TTLL9: variants seen among roughly 807,000 people sequenced by gnomAD.
The protein encoded by TTLL9 is tubulin tyrosine ligase like 9, also known as probable tubulin polyglutamylase TTLL9.
Under a neutral mutation model 65.6 loss-of-function variants are expected in TTLL9, and 47 were observed. That is an observed-to-expected ratio of 0.72 (90% CI 0.57 to 0.91). The LOEUF is 0.91. Ranked by LOEUF, TTLL9 falls within the 40% of genes least tolerant of loss-of-function variation. The probability of loss-of-function intolerance (pLI) is 0.00; values close to 1 mark genes in which losing one functional copy is unlikely to be tolerated. For missense variants in TTLL9, 537 were observed against 568.8 expected, an observed-to-expected ratio of 0.94 and a Z score of 0.57; for synonymous variants, 179 against 204.8, an observed-to-expected ratio of 0.87 and a Z score of 1.07.
At chr20:31,892,031 G>C (rs1162344206) in intron 3 of TTLL9, among the ~76,000 whole-genome samples, 1 of 152,010 alleles carries the variant, frequency 6.6e-6, no homozygotes, top group Non-Finnish European at 1.5e-5. Context: ...TTGAACTCCT[G>C]ACCTCAGGTG....
chr20:31,919,387 G>T (rs2063781402), intron 6 of TTLL9, among the ~76,000 whole-genome samples: 1 of 152,088 alleles, frequency 6.6e-6, no homozygotes, highest in South Asian at 2.1e-4. Context: ...ATGGTAGAAG[G>T]GGAGTAATGC....
At chr20:31,884,729 C>G (rs1037606923) in intron 2 of TTLL9, among the ~76,000 whole-genome samples, 1 of 152,246 alleles carries the variant, frequency 6.6e-6, no homozygotes, top group Non-Finnish European at 1.5e-5. Context: ...GACATTGACT[C>G]TGCCTTCTTC....
chr20:31,938,373 G>T, intron 13 of TTLL9: 1 of 362,574 alleles, frequency 2.8e-6, no homozygotes, highest in South Asian at 2.0e-5. Context: ...GGTACTCTTG[G>T]ACTGAAAGAA....
intron 3 of TTLL9, among the ~76,000 whole-genome samples, chr20:31,897,385 C>T (rs2063403295): frequency 6.6e-6 from 1 of 152,156 alleles, no homozygotes; most frequent in South Asian, 2.1e-4. Context: ...CTGTTTCAGT[C>T]CTCATATTGG....
In TTLL9 at chr20:31,933,741, C is replaced by A. The variant is rs377553798; in HGVS notation, c.749-59C>A. ...ATTCTCAGTTCAGTCCTGGGGACTT[C>A]GTGGGGCAGAGCTCACCCTTTTTGT... On this transcript the variant is annotated intron_variant, in intron 10 of 14. Transcript: ENST00000535842. The A allele has an allele frequency of 2.6e-6, 4 of 1,551,452 alleles. No homozygotes were observed. In the South Asian group the frequency reaches 3.5e-5, roughly 13 times the overall value.
At chr20:31,935,911 G>T (rs911991752) in intron 12 of TTLL9, among the ~76,000 whole-genome samples, 1 of 152,226 alleles carries the variant, frequency 6.6e-6, no homozygotes, top group Non-Finnish European at 1.5e-5. Flanking sequence ...CTCCGGCTGT[G>T]CCCCTCCGTA....
At chr20:31,886,635 C>T (rs886605355) in intron 2 of TTLL9, among the ~76,000 whole-genome samples, 3 of 152,182 alleles carry the variant, frequency 2.0e-5, no homozygotes, top group Non-Finnish European at 4.4e-5. Flanking sequence ...GCCTGGCCAA[C>T]ATGGCGAAAC....
At chr20:31,880,246 G>A (rs1234596746) in intron 2 of TTLL9, among the ~76,000 whole-genome samples, 1 of 152,050 alleles carries the variant, frequency 6.6e-6, no homozygotes, top group Non-Finnish European at 1.5e-5. Context: ...CTGACTTGGC[G>A]AAACCCGCCT....
chr20:31,881,339 T>C (rs1158359706), intron 2 of TTLL9, among the ~76,000 whole-genome samples: 3 of 152,230 alleles, frequency 2.0e-5, no homozygotes, highest in Non-Finnish European at 4.4e-5. Flanking sequence ...GTATCCCTGG[T>C]CCTCAGCAGA....
chr20:31,891,846 A>G (rs868203935), intron 3 of TTLL9, among the ~76,000 whole-genome samples: 14 of 152,184 alleles, frequency 9.2e-5, no homozygotes, highest in African/African-American at 3.4e-4. Context: ...TCTGTCACCC[A>G]GGCTGGAGTG....
intron 6 of TTLL9, among the ~76,000 whole-genome samples, chr20:31,914,510 A>G (rs2063704305): frequency 6.6e-6 from 1 of 152,258 alleles, no homozygotes; most frequent in African/African-American, 2.4e-5. Flanking sequence ...AAAGAAGGCA[A>G]CTATACTGAA....
chr20:31,927,584 C>A (rs573955686), intron 10 of TTLL9, among the ~76,000 whole-genome samples: 87 of 151,070 alleles, frequency 5.8e-4, no homozygotes, highest in Non-Finnish European at 9.6e-4. Flanking sequence ...TCCTTACACA[C>A]ATTTTGTGCA....
intron 10 of TTLL9, among the ~76,000 whole-genome samples, chr20:31,930,352 T>A (rs891501766): frequency 3.3e-5 from 5 of 152,204 alleles, no homozygotes; most frequent in African/African-American, 1.2e-4. Flanking sequence ...ACTGACTTGA[T>A]GAGGGAGCAG....
rs373215043 is a variant in TTLL9, at chr20:31,933,791, C to T, written c.749-9C>T. On this transcript the variant is annotated splice_polypyrimidine_tract_variant and intron_variant, in intron 10 of 14. Coordinates refer to ENST00000535842, the MANE Select transcript of TTLL9 (RefSeq NM_001008409.5). ...TTCACGCTGACCCTTGACCACCACC[C>T]TCTCCCAGATGTTCACCTCACCAAC... 18 of 1,613,632 alleles carry T rather than the reference C, an allele frequency of 1.1e-5. No individual in the cohort carries two copies. The highest frequency in any genetic ancestry group is 1.5e-5 in the Non-Finnish European group (18 of 1,179,712).
chr20:31,908,538 G>C, intron 4 of TTLL9, 53 bp from the exon 5 acceptor site: 1 of 1,358,066 alleles, frequency 7.4e-7, no homozygotes, highest in Non-Finnish European at 1.1e-6. Context: ...GGGCCCTGCA[G>C]TGCCAAGGTC....
chr20:31,943,934 G>T lies in TTLL9; in HGVS notation c.*913G>T, dbSNP rs770825691. The T allele has an allele frequency of 9.4e-6, 4 of 427,140 alleles. No homozygotes were observed. The highest frequency in any genetic ancestry group is 5.0e-5 in the South Asian group (3 of 59,482). The allele number at this position is 427,140 out of a possible 1,614,324, so 26.5% of individuals were successfully genotyped here. A position where few individuals can be genotyped will look rare whatever the true frequency, so the allele number is the denominator to read the frequency against. On this transcript the variant is annotated 3_prime_UTR_variant, in exon 15 of 15. Transcript: ENST00000535842. ...TGCAACAAGACTCGGGGCTGTTGGG[G>T]TAACTGTTCCAGGGGGGACTTACTC...
At chr20:31,941,143 G>A (rs2064198988) in intron 14 of TTLL9, 1 of 151,662 alleles carries the variant, frequency 6.6e-6, no homozygotes, top group Non-Finnish European at 1.5e-5. Context: ...CGTGAACCCG[G>A]GAGGCGGAGC....
At position 31,870,736 on chromosome 20, in the gene TTLL9, C is replaced by A; in HGVS notation, c.-219C>A. 1 of 549,594 alleles carries A rather than the reference C, an allele frequency of 1.8e-6. No homozygotes were observed. Among genetic ancestry groups the A allele is most frequent in the East Asian group, 3.5e-5 (1 of 28,416 alleles). 34.0% of individuals were successfully genotyped at this position (549,594 alleles called of 1,614,324 possible). On this transcript the variant is annotated 5_prime_UTR_variant, in exon 1 of 15. Transcript: ENST00000535842. The surrounding 1 kb of genome is among the most constrained non-coding windows in gnomAD (Gnocchi z 6.6). ...GCGGGGGCCTTACCCCACCCTGGCA[C>A]CGGCAGGCGCGGGCGGATGGGGGGA...
At chr20:31,937,330 C>G in intron 12 of TTLL9, 66 bp from the exon 13 acceptor site, 1 of 1,118,266 alleles carries the variant, frequency 8.9e-7, no homozygotes, top group Non-Finnish European at 1.3e-6. Context: ...TCTAGCCTCT[C>G]AGTGAAATCC....
Sources: allele counts gnomAD v4.1 joint callset (sites outside exome capture counted in the v4.1 genomes callset), GRCh38; gene constraint gnomAD v4.1.1; non-coding constraint Gnocchi (gnomAD v3.1); transcripts MANE v1.5; gene names NCBI Gene and HGNC (gene_info 2026-07-23, HGNC 2026-07-21).